UBR1: variants seen among roughly 807,000 people sequenced by gnomAD.
UBR1 encodes the protein ubiquitin protein ligase E3 component n-recognin 1.
In UBR1, 102 loss-of-function variants were observed where a neutral mutation model predicts 242.1. That is an observed-to-expected ratio of 0.42 (90% CI 0.36 to 0.50). UBR1 has a LOEUF of 0.50. Ranked by LOEUF, UBR1 falls within the 20% of genes least tolerant of loss-of-function variation. UBR1 has a pLI of 0.01. For synonymous variants in UBR1, 675 were observed against 684.8 expected, an observed-to-expected ratio of 0.99 and a Z score of 0.22; for missense variants, 1,772 against 2,101.8, an observed-to-expected ratio of 0.84 and a Z score of 3.07.
At chr15:42,988,771 A>G (rs778282224) in intron 35 of UBR1, 48 bp downstream of exon 35, 9 of 1,611,622 alleles carry the variant, frequency 5.6e-6, no homozygotes. Context: ...GAATGATCAA[A>G]GTTAATTCTC....
chr15:43,019,775 T>TG (rs2033080953), intron 27 of UBR1, among the ~76,000 whole-genome samples: 1 of 150,120 alleles, frequency 6.7e-6, no homozygotes, highest in Non-Finnish European at 1.5e-5. Context: ...TTTTTTTTTT[T>TG]TTGTATTTTT....
chr15:43,020,675 G>A (rs1596105091), intron 27 of UBR1, among the ~76,000 whole-genome samples: 1 of 152,078 alleles, frequency 6.6e-6, no homozygotes. Context: ...TACAAGATCC[G>A]GCCCCTGGCC....
chr15:43,004,448 G>T (rs1001810213), intron 30 of UBR1, among the ~76,000 whole-genome samples: 6 of 152,210 alleles, frequency 3.9e-5, no homozygotes, highest in African/African-American at 1.4e-4. Context: ...GGACTGTACT[G>T]CCGCCATCTC....
chr15:43,082,476 G>A (rs1228409233), intron 3 of UBR1, among the ~76,000 whole-genome samples, 162 bp downstream of exon 3: 1 of 151,856 alleles, frequency 6.6e-6, no homozygotes, highest in Non-Finnish European at 1.5e-5. Context: ...TTTCTTTTCT[G>A]TAAAGCAACA....
intron 46 of UBR1, among the ~76,000 whole-genome samples, chr15:42,947,007 C>G (rs1483939772): frequency 2.0e-5 from 3 of 151,968 alleles, no homozygotes; most frequent in Non-Finnish European, 4.4e-5. Flanking sequence ...AAAAATTAGC[C>G]GGGTGTGGTG....
At chr15:43,034,423 G>C (rs1319712991) in intron 19 of UBR1, among the ~76,000 whole-genome samples, 3 of 151,778 alleles carry the variant, frequency 2.0e-5, no homozygotes, top group Admixed American at 6.6e-5. Flanking sequence ...CTGGGCGACA[G>C]AGTGAGACTC....
At chr15:43,048,521 C>T (rs1169770077) in intron 12 of UBR1, 30 bp from the exon 13 acceptor site, 1 of 1,536,438 alleles carries the variant, frequency 6.5e-7, no homozygotes. Flanking sequence ...AGAAATATTT[C>T]ATTTATCTAT....
intron 28 of UBR1, among the ~76,000 whole-genome samples, chr15:43,016,216 T>C (rs2033021646): frequency 1.3e-5 from 2 of 152,228 alleles, no homozygotes; most frequent in Admixed American, 1.3e-4. Context: ...CAATCTTGAT[T>C]TCTAACAGTT....
At chr15:43,015,636 C>G (rs111322887) in intron 29 of UBR1, 52 bp downstream of exon 29, 1 of 1,586,348 alleles carries the variant, frequency 6.3e-7, no homozygotes, top group East Asian at 2.2e-5. Context: ...CAAGAATGAT[C>G]AATTTAAAAA....
intron 29 of UBR1, among the ~76,000 whole-genome samples, chr15:43,009,410 A>T (rs934785732): frequency 1.3e-5 from 2 of 152,224 alleles, no homozygotes; most frequent in Non-Finnish European, 2.9e-5. Flanking sequence ...CAGACCCTGC[A>T]GGTGCCCGCT....
chr15:42,999,994 A>T (rs2032698918), intron 32 of UBR1, among the ~76,000 whole-genome samples: 1 of 152,170 alleles, frequency 6.6e-6, no homozygotes, highest in South Asian at 2.1e-4. Context: ...AAAAATGGAA[A>T]TGTACTATGA....
intron 3 of UBR1, among the ~76,000 whole-genome samples, chr15:43,077,191 C>A (rs981841251): frequency 2.1e-5 from 2 of 96,758 alleles, no homozygotes; most frequent in African/African-American, 8.1e-5. Flanking sequence ...ATGACAATGG[C>A]GGTTTTGTGG....
At chr15:42,959,508 G>A (rs998946505) in intron 43 of UBR1, among the ~76,000 whole-genome samples, 1 of 151,880 alleles carries the variant, frequency 6.6e-6, no homozygotes, top group Non-Finnish European at 1.5e-5. Context: ...TAAGTTTTAT[G>A]TTCATAACTA....
Position 42,945,312 on chromosome 15 carries a change from T to C in UBR1, c.*17A>G, listed in dbSNP as rs750361455. 4 of 1,614,128 alleles carry C rather than the reference T, an allele frequency of 2.5e-6. No homozygotes were observed. In the Admixed American group the frequency reaches 6.7e-5, roughly 27 times the overall value. On this transcript the variant is annotated 3_prime_UTR_variant, in exon 47 of 47. Transcript: ENST00000290650. ...CTACTGTCGTCATTTGTGATTGTCTTGAGGCAGAGTTGGAGCTCACAGTAA... is the reference window on the plus strand; with the variant it reads ...CTACTGTCGTCATTTGTGATTGTCTCGAGGCAGAGTTGGAGCTCACAGTAA...
At chr15:43,045,354 C>A (rs561398351) in intron 14 of UBR1, among the ~76,000 whole-genome samples, 14 of 152,038 alleles carry the variant, frequency 9.2e-5, no homozygotes, top group African/African-American at 3.4e-4. Flanking sequence ...GTAGTCCCAG[C>A]GACTTTGGAG....
In UBR1 at chr15:43,017,231, G is replaced by A. The variant is rs7182063; in HGVS notation, c.2941-50C>T. ...AAAGAGTTAGTTAGACTGTTAGACC[G>A]ACCAGGAACAGAAACATTCACTAAT... On this transcript the variant is annotated intron_variant, in intron 27 of 46. Transcript: ENST00000290650. 3,896 of 1,285,546 alleles carry A rather than the reference G, an allele frequency of 3.0e-3. 55 individuals carry two copies. The African/African-American group carries it at 0.037, about 12-fold the overall frequency. 79.6% of individuals were successfully genotyped at this position (1,285,546 alleles called of 1,614,324 possible). A position where few individuals can be genotyped will look rare whatever the true frequency, so the allele number is the denominator to read the frequency against.
intron 4 of UBR1, among the ~76,000 whole-genome samples, chr15:43,071,954 T>C (rs1490154534): frequency 6.6e-6 from 1 of 152,224 alleles, no homozygotes; most frequent in Non-Finnish European, 1.5e-5. Flanking sequence ...GATTGCAGGA[T>C]ACAAGATAAT....
intron 10 of UBR1, 49 bp downstream of exon 10, chr15:43,058,292 T>A: frequency 1.7e-6 from 2 of 1,154,190 alleles, no homozygotes; most frequent in South Asian, 2.6e-5. Flanking sequence ...AATTCATTTA[T>A]AAAAACTGCC....
intron 29 of UBR1, among the ~76,000 whole-genome samples, chr15:43,013,099 T>C (rs1439611924): frequency 1.3e-5 from 2 of 152,094 alleles, no homozygotes; most frequent in Non-Finnish European, 2.9e-5. Flanking sequence ...AGAGACGGGG[T>C]TTTGCCTGTT....
Sources: allele counts gnomAD v4.1 joint callset (sites outside exome capture counted in the v4.1 genomes callset), GRCh38; gene constraint gnomAD v4.1.1; transcripts MANE v1.5; gene names NCBI Gene and HGNC (gene_info 2026-07-23, HGNC 2026-07-21).